ROR2: variants seen among roughly 807,000 people sequenced by gnomAD.
ROR2 encodes ROR family WNT receptor 2.
In ROR2, 33 loss-of-function variants were observed where a neutral mutation model predicts 74.9. That is an observed-to-expected ratio of 0.44 (90% CI 0.33 to 0.59). The LOEUF (loss-of-function observed/expected upper bound fraction) is 0.59. Ranked by LOEUF, ROR2 falls within the 20% of genes least tolerant of loss-of-function variation. The probability of loss-of-function intolerance (pLI) is 0.02; values close to 1 mark genes in which losing one functional copy is unlikely to be tolerated. For missense variants in ROR2, 1,216 were observed against 1,313.8 expected (o/e 0.93, Z 1.15); for synonymous variants, 586 against 558.7 (o/e 1.05, Z -0.69).
At chr9:91,809,385 C>T (rs1827672528) in intron 1 of ROR2, among the ~76,000 whole-genome samples, 1 of 152,258 alleles carries the variant, frequency 6.6e-6, no homozygotes, top group Non-Finnish European at 1.5e-5. Flanking sequence ...ACAGTGGGCA[C>T]CAGGCACACA....
At position 91,724,453 on chromosome 9, in the gene ROR2, C is replaced by G; in HGVS notation, c.2041G>C (p.Val681Leu). The change falls in exon 9 of 9, where the codon GTC becomes CTC. Residue 681 changes from valine to leucine, a missense_variant. By Grantham distance (32) the Val-to-Leu change is conservative. Transcript: ENST00000375708. ...CCGTAGCTGAAGACCTCCCACAGGA[C>G]CACACCGTAGGACCAGATGTCTGAG... is the stretch of plus-strand genomic sequence containing the variant. ...IDSDIWSYGV[V>L]LWEVFSYGLQ... The G allele has an allele frequency of 6.2e-7, 1 of 1,614,212 alleles. No individual in the cohort carries two copies.
chr9:91,745,103 C>T (rs117896627), intron 4 of ROR2, among the ~76,000 whole-genome samples: 2,609 of 151,758 alleles, frequency 0.017, 41 homozygotes, highest in Non-Finnish European at 0.022. Flanking sequence ...CATATGGTCT[C>T]ATTTATTATT....
chr9:91,813,258 C>T (rs1431531132), intron 1 of ROR2, among the ~76,000 whole-genome samples: 1 of 152,180 alleles, frequency 6.6e-6, no homozygotes, highest in Non-Finnish European at 1.5e-5. Flanking sequence ...GTTGACATCA[C>T]TCACACCCCT....
intron 1 of ROR2, among the ~76,000 whole-genome samples, chr9:91,786,352 A>G (rs12001791): frequency 1.3e-5 from 1 of 77,346 alleles, no homozygotes; most frequent in Non-Finnish European, 3.1e-5. Flanking sequence ...ATCAATCAAT[A>G]AGTAAATAAA....
chr9:91,845,953 C>A (rs1168152584), intron 1 of ROR2, among the ~76,000 whole-genome samples: 2 of 147,382 alleles, frequency 1.4e-5, no homozygotes, highest in Non-Finnish European at 3.0e-5. Context: ...TACACGGATG[C>A]AACCACCACC....
chr9:91,844,261 G>A (rs1219454247), intron 1 of ROR2, among the ~76,000 whole-genome samples: 4 of 152,148 alleles, frequency 2.6e-5, no homozygotes, highest in Non-Finnish European at 5.9e-5. Context: ...GTTTCAGGTC[G>A]TCTGTCCTGG....
rs2118629947 is a variant in ROR2, at chr9:91,725,113, A to G, written c.1387-6T>C. Reference sequence around the variant, plus strand: ...CTGATCTCTTTGAGTTTGGCCTGTCAAGAAGAAAAGCCCCACGTGAAACAT... The same window carrying G: ...CTGATCTCTTTGAGTTTGGCCTGTCGAGAAGAAAAGCCCCACGTGAAACAT... On this transcript the variant is annotated splice_region_variant and splice_polypyrimidine_tract_variant and intron_variant, in intron 8 of 8. Transcript: ENST00000375708. 1 of 1,613,400 alleles carries G rather than the reference A, an allele frequency of 6.2e-7. No homozygotes were observed. The highest frequency in any genetic ancestry group is 8.5e-7 in the Non-Finnish European group (1 of 1,180,002).
At chr9:91,947,645 C>T (rs541309875) in intron 1 of ROR2, among the ~76,000 whole-genome samples, 127 of 152,262 alleles carry the variant, frequency 8.3e-4, no homozygotes, top group African/African-American at 2.6e-3. Flanking sequence ...AATGCTCCAT[C>T]GTTCCCCACC....
chr9:91,918,570 G>A (rs535701198), intron 1 of ROR2, among the ~76,000 whole-genome samples: 1 of 152,328 alleles, frequency 6.6e-6, no homozygotes, highest in Admixed American at 6.5e-5. Flanking sequence ...AAGAGAGGCA[G>A]TCTCCTATGA....
chr9:91,912,492 A>T (rs1316776790), intron 1 of ROR2, among the ~76,000 whole-genome samples: 1 of 152,188 alleles, frequency 6.6e-6, no homozygotes, highest in Non-Finnish European at 1.5e-5. Flanking sequence ...TGCTCCCAAA[A>T]TATATACTAC....
chr9:91,821,736 C>A (rs1828145795), intron 1 of ROR2, among the ~76,000 whole-genome samples: 1 of 152,210 alleles, frequency 6.6e-6, no homozygotes, highest in South Asian at 2.1e-4. Flanking sequence ...AATATTACTG[C>A]CCTGGCGAAG....
chr9:91,851,514 C>T (rs1829091522), intron 1 of ROR2, among the ~76,000 whole-genome samples: 6 of 152,148 alleles, frequency 3.9e-5, no homozygotes, highest in Admixed American at 3.3e-4. Flanking sequence ...GATAATTTCA[C>T]TTTTTCTGTC....
chr9:91,892,056 A>G (rs1242206161), intron 1 of ROR2, among the ~76,000 whole-genome samples: 5 of 150,698 alleles, frequency 3.3e-5, no homozygotes, highest in African/African-American at 2.4e-5. Context: ...TAAGAAGAAA[A>G]AAAAAAAAAA....
At chr9:91,804,125 CA>C (rs1210057150) in intron 1 of ROR2, among the ~76,000 whole-genome samples, 6 of 152,156 alleles carry the variant, frequency 3.9e-5, no homozygotes, top group Admixed American at 6.5e-5. Context: ...TGGTATCATC[CA>C]CCCTTCAAAG....
chr9:91,910,757 A>C (rs781424700), intron 1 of ROR2, among the ~76,000 whole-genome samples: 1 of 151,842 alleles, frequency 6.6e-6, no homozygotes, highest in Non-Finnish European at 1.5e-5. Flanking sequence ...TCCACCTTCC[A>C]GGTTCAAGAG....
intron 2 of ROR2, among the ~76,000 whole-genome samples, chr9:91,761,264 T>C (rs1825907139): frequency 6.6e-6 from 1 of 152,230 alleles, no homozygotes; most frequent in Non-Finnish European, 1.5e-5. Context: ...TCATGGAAGA[T>C]AATCTTTCCA....
At chr9:91,949,788 G>A in intron 1 of ROR2, 79 bp downstream of exon 1, 1 of 920,074 alleles carries the variant, frequency 1.1e-6, no homozygotes, top group South Asian at 1.4e-5. Flanking sequence ...CAGCGGCCGG[G>A]AGCATAGTGG....
At chr9:91,800,353 A>AG (rs1827334568) in intron 1 of ROR2, among the ~76,000 whole-genome samples, 1 of 141,610 alleles carries the variant, frequency 7.1e-6, no homozygotes, top group Non-Finnish European at 1.5e-5. Flanking sequence ...AAAAAAAAAA[A>AG]AAGAGAGAGA....
intron 4 of ROR2, among the ~76,000 whole-genome samples, chr9:91,739,794 G>A (rs774929544): frequency 2.0e-5 from 3 of 152,136 alleles, no homozygotes; most frequent in African/African-American, 7.2e-5. Flanking sequence ...TTAACAATGC[G>A]AGCCTGCCTG....
Sources: allele counts gnomAD v4.1 joint callset (sites outside exome capture counted in the v4.1 genomes callset), GRCh38; gene constraint gnomAD v4.1.1; transcripts MANE v1.5; gene names NCBI Gene and HGNC (gene_info 2026-07-23, HGNC 2026-07-21).